UTRN: variants seen among roughly 807,000 people sequenced by gnomAD.
The protein encoded by UTRN is utrophin, also known as dystrophin-related protein 1.
UTRN carries 283 observed loss-of-function variants against 463.9 expected under a neutral mutation model. The observed-to-expected ratio is 0.61, with a 90% CI of 0.55 to 0.67. The LOEUF (loss-of-function observed/expected upper bound fraction) is 0.67. Ranked by LOEUF, UTRN falls within the 30% of genes least tolerant of loss-of-function variation. The probability of loss-of-function intolerance (pLI) is 0.00; values close to 1 mark genes in which losing one functional copy is unlikely to be tolerated. For missense variants in UTRN, 3,922 were observed against 4,084.3 expected, an observed-to-expected ratio of 0.96 and a Z score of 1.08; for synonymous variants, 1,442 against 1,431.5, an observed-to-expected ratio of 1.01 and a Z score of -0.17.
chr6:144,843,124 C>T (rs1781734689), intron 73 of UTRN, among the ~76,000 whole-genome samples: 1 of 152,026 alleles, frequency 6.6e-6, no homozygotes, highest in African/African-American at 2.4e-5. Flanking sequence ...CTTTTTAGTT[C>T]AGCTTATACC....
At chr6:144,630,695 A>G (rs1019727905) in intron 51 of UTRN, among the ~76,000 whole-genome samples, 4 of 152,208 alleles carry the variant, frequency 2.6e-5, no homozygotes, top group Non-Finnish European at 4.4e-5. Flanking sequence ...ATATTTATTG[A>G]ATAGAATTGA....
chr6:144,785,938 C>T (rs1271769970), intron 61 of UTRN, among the ~76,000 whole-genome samples: 1 of 152,172 alleles, frequency 6.6e-6, no homozygotes. Context: ...AAGCAATAGT[C>T]TGTAGTACTT....
At chr6:144,784,412 C>T (rs1476393813) in intron 61 of UTRN, among the ~76,000 whole-genome samples, 2 of 152,180 alleles carry the variant, frequency 1.3e-5, no homozygotes, top group Non-Finnish European at 2.9e-5. Context: ...TCGTCTTCTC[C>T]CTGTGTCTTC....
chr6:144,301,909 C>A (rs1361071916), intron 2 of UTRN, among the ~76,000 whole-genome samples: 1 of 152,024 alleles, frequency 6.6e-6, no homozygotes, highest in African/African-American at 2.4e-5. Flanking sequence ...GCAGAGGGCA[C>A]CAGGTGAAGA....
intron 21 of UTRN, among the ~76,000 whole-genome samples, chr6:144,460,021 T>C (rs865989404): frequency 7.2e-6 from 1 of 138,850 alleles, no homozygotes; most frequent in African/African-American, 3.3e-5. Flanking sequence ...TTTTTTTTTT[T>C]GAGAAACAGG....
intron 7 of UTRN, among the ~76,000 whole-genome samples, chr6:144,427,042 C>G (rs998484489): frequency 6.6e-6 from 1 of 152,092 alleles, no homozygotes; most frequent in African/African-American, 2.4e-5. Flanking sequence ...TATGAAATTG[C>G]CGACATGTGA....
intron 23 of UTRN, among the ~76,000 whole-genome samples, chr6:144,469,771 A>T (rs1790324050): frequency 6.8e-6 from 1 of 146,748 alleles, no homozygotes. Context: ...GCAGGGTCAT[A>T]GGACAATAGT....
Position 144,410,221 on chromosome 6 carries a change from A to G in UTRN, c.141+7037A>G, listed in dbSNP as rs535192120. 7.9e-5 allele frequency among the ~76,000 whole-genome samples: 12 copies of G among 152,246 alleles called. No homozygotes were observed. In the South Asian group the frequency reaches 1.2e-3, roughly 16 times the overall value. ...GAACTTTGATTTTATTTACCTTTAC[A>G]CTATCATAATCAGTGCTATTACCAG... On this transcript the variant is annotated intron_variant, in intron 3 of 74. Transcript: ENST00000367545.
chr6:144,652,755 A>G (rs1380439727), intron 51 of UTRN, among the ~76,000 whole-genome samples: 1 of 152,212 alleles, frequency 6.6e-6, no homozygotes, highest in Non-Finnish European at 1.5e-5. Flanking sequence ...GTAACTTATG[A>G]CAACAAAAAG....
At chr6:144,481,412 C>G (rs1791843803) in intron 26 of UTRN, among the ~76,000 whole-genome samples, 1 of 152,228 alleles carries the variant, frequency 6.6e-6, no homozygotes, top group South Asian at 2.1e-4. Context: ...CTCAGTCTAA[C>G]TTTATCATTG....
At chr6:144,803,906 T>G (rs368630738) in intron 65 of UTRN, among the ~76,000 whole-genome samples, 1 of 152,098 alleles carries the variant, frequency 6.6e-6, no homozygotes, top group African/African-American at 2.4e-5. Context: ...GATGTCAACG[T>G]TTTTTTCAAA....
chr6:144,574,722 C>T lies in UTRN; in HGVS notation c.7290-2377C>T, dbSNP rs768574724. On this transcript the variant is annotated intron_variant, in intron 50 of 74. Coordinates refer to ENST00000367545, the MANE Select transcript of UTRN (RefSeq NM_007124.3). ...TCAGCCTCCTGAGTAGCTGGGATTA[C>T]AGGCATGCCCCACCATGCCCAGCTA... Among the ~76,000 whole-genome samples the T allele has an allele frequency of 5.3e-5, 8 of 152,136 alleles. No individual in the cohort carries two copies. The South Asian group carries it at 1.7e-3, about 32-fold the overall frequency.
At chr6:144,287,008 G>A (rs528884220) in intron 1 of UTRN, among the ~76,000 whole-genome samples, 108 of 152,228 alleles carry the variant, frequency 7.1e-4, no homozygotes, top group African/African-American at 2.5e-3. Flanking sequence ...GGATTCCCTA[G>A]GTCTGAGCCG....
intron 51 of UTRN, among the ~76,000 whole-genome samples, chr6:144,626,420 A>C (rs1035221519): frequency 6.6e-6 from 1 of 152,182 alleles, no homozygotes. Flanking sequence ...AAGAACCCAA[A>C]TGACATTCCG....
chr6:144,748,748 T>C (rs1187018221), intron 55 of UTRN, among the ~76,000 whole-genome samples: 1 of 152,204 alleles, frequency 6.6e-6, no homozygotes, highest in Non-Finnish European at 1.5e-5. Context: ...TAATTTACAT[T>C]TATTTTTATT....
At chr6:144,289,598 A>T (rs2114504426) in intron 1 of UTRN, among the ~76,000 whole-genome samples, 1 of 152,306 alleles carries the variant, frequency 6.6e-6, no homozygotes, top group South Asian at 2.1e-4. Context: ...CTGGGATTAC[A>T]GGTGTGAGCC....
intron 2 of UTRN, among the ~76,000 whole-genome samples, chr6:144,373,840 A>G (rs1045275358): frequency 6.6e-6 from 1 of 152,202 alleles, no homozygotes; most frequent in Admixed American, 6.5e-5. Context: ...TCAATTTCTT[A>G]TGGTTATATT....
At chr6:144,392,151 A>T (rs1302197921) in intron 2 of UTRN, among the ~76,000 whole-genome samples, 2 of 152,272 alleles carry the variant, frequency 1.3e-5, no homozygotes, top group African/African-American at 4.8e-5. Flanking sequence ...TATTGAGTAT[A>T]TGTTGAAATG....
At chr6:144,416,456 A>T (rs1171377683) in intron 3 of UTRN, among the ~76,000 whole-genome samples, 1 of 152,112 alleles carries the variant, frequency 6.6e-6, no homozygotes, top group East Asian at 1.9e-4. Context: ...CTTCCCTCAC[A>T]TGTGTCATCA....
Sources: allele counts gnomAD v4.1 joint callset (sites outside exome capture counted in the v4.1 genomes callset), GRCh38; gene constraint gnomAD v4.1.1; transcripts MANE v1.5; gene names NCBI Gene and HGNC (gene_info 2026-07-23, HGNC 2026-07-21).